The following ABLIM1 variants were observed in gnomAD, a reference collection of about 807,000 sequenced individuals.
ABLIM1 encodes actin binding LIM protein 1.
In ABLIM1, 40 loss-of-function variants were observed where a neutral mutation model predicts 107.0. The ratio of observed to expected loss-of-function variants is 0.37; its 90% CI spans 0.29 to 0.49. The LOEUF (loss-of-function observed/expected upper bound fraction) is 0.49. Ranked by LOEUF, ABLIM1 falls within the 20% of genes least tolerant of loss-of-function variation. ABLIM1 has a pLI of 0.97. For missense variants in ABLIM1, 857 were observed against 1,008.5 expected (o/e 0.85, Z 2.04); for synonymous variants, 357 against 357.3 (o/e 1.00, Z 0.01).
intron 1 of ABLIM1, among the ~76,000 whole-genome samples, chr10:114,735,552 C>T (rs1421359033): frequency 6.6e-6 from 1 of 152,168 alleles, no homozygotes; most frequent in East Asian, 1.9e-4. Flanking sequence ...TCACTGCAAC[C>T]TCTGCCTCCC....
chr10:114,774,054 A>G, the ABLIM1 span, among the ~76,000 whole-genome samples: 3 of 152,040 alleles, frequency 2.0e-5, no homozygotes, highest in East Asian at 5.8e-4. Flanking sequence ...ACCTTTAGTG[A>G]AACTAAGAAA....
At chr10:114,507,046 A>G (rs1051017501) in intron 6 of ABLIM1, among the ~76,000 whole-genome samples, 56 of 152,326 alleles carry the variant, frequency 3.7e-4, no homozygotes, top group African/African-American at 1.3e-3. Context: ...GTTCAGCTCT[A>G]TAGTACACTA....
At chr10:114,751,015 G>A (rs1339862424) in intron 1 of ABLIM1, among the ~76,000 whole-genome samples, 1 of 152,150 alleles carries the variant, frequency 6.6e-6, no homozygotes, top group African/African-American at 2.4e-5. Flanking sequence ...AAAAGGAAGA[G>A]AAAGAAAAAA....
chr10:114,447,901 G>A lies in ABLIM1; in HGVS notation c.1714C>T (p.Pro572Ser), dbSNP rs1224696934. 14 of 1,614,062 alleles carry A rather than the reference G, an allele frequency of 8.7e-6. No homozygotes were observed. Among genetic ancestry groups the A allele is most frequent in the East Asian group, 2.2e-5 (1 of 44,876 alleles). The part of the protein sequence containing the change: ...PKIETDHWPG[P>S]PSFAVVGPDM... ...ATACCTACGACAGCAAATGAGGGGG[G>A]ACCAGGCCAGTGGTCCGTCTCAATC... The change falls in exon 15 of 23, where the codon CCC becomes TCC. Residue 572 changes from proline (P) to serine (S), a missense_variant. By Grantham distance (74) the Pro-to-Ser change is moderately conservative. Around this residue, in one of 5 missense-constraint regions of ABLIM1, gnomAD observed 103 missense variants for 101.0 expected, o/e 1.02. Coordinates refer to ENST00000533213, the MANE Select transcript of ABLIM1 (RefSeq NM_002313.7).
At chr10:114,603,821 C>G (rs2076215078) in intron 1 of ABLIM1, among the ~76,000 whole-genome samples, 1 of 151,748 alleles carries the variant, frequency 6.6e-6, no homozygotes, top group Non-Finnish European at 1.5e-5. Context: ...GGCGTGGTGG[C>G]ACGTGCCTGT....
At chr10:114,748,138 C>G (rs1406851804) in intron 1 of ABLIM1, among the ~76,000 whole-genome samples, 6 of 152,036 alleles carry the variant, frequency 3.9e-5, no homozygotes, top group African/African-American at 1.4e-4. Context: ...CCATAAGAAC[C>G]CCTGTGTTTG....
chr10:114,544,121 A>T (rs1350408221), intron 6 of ABLIM1, among the ~76,000 whole-genome samples: 1 of 152,192 alleles, frequency 6.6e-6, no homozygotes, highest in Admixed American at 6.5e-5. Flanking sequence ...CCTGCTGGGA[A>T]GGTGGAACAT....
chr10:114,548,942 G>A (rs2067695921), intron 4 of ABLIM1, among the ~76,000 whole-genome samples: 1 of 152,230 alleles, frequency 6.6e-6, no homozygotes, highest in African/African-American at 2.4e-5. Context: ...ATCCGTGACT[G>A]CCACTGCTTT....
At chr10:114,741,212 T>TCTC (rs2082280050) in intron 1 of ABLIM1, among the ~76,000 whole-genome samples, 1 of 138,368 alleles carries the variant, frequency 7.2e-6, no homozygotes, top group Non-Finnish European at 1.6e-5. Flanking sequence ...ATAGGACTAT[T>TCTC]CTTCTTTTTT....
intron 1 of ABLIM1, among the ~76,000 whole-genome samples, chr10:114,697,795 A>G (rs1210439570): frequency 6.6e-6 from 1 of 152,226 alleles, no homozygotes; most frequent in African/African-American, 2.4e-5. Context: ...AAACCTTCTC[A>G]TATTAATATA....
intron 4 of ABLIM1, among the ~76,000 whole-genome samples, chr10:114,552,552 C>T (rs1252456150): frequency 6.6e-6 from 1 of 151,364 alleles, no homozygotes; most frequent in Middle Eastern, 3.2e-3. Flanking sequence ...GCCCTTCACT[C>T]TTGGCATCAA....
chr10:114,512,130 G>C lies in ABLIM1; in HGVS notation c.895-20252C>G, dbSNP rs1233979067. Among the ~76,000 whole-genome samples, 3 of 152,178 alleles carry C rather than the reference G, an allele frequency of 2.0e-5. No homozygotes were observed. The East Asian group carries it at 5.8e-4, about 29-fold the overall frequency. ...CAAGATGACTCAGGTGAACTTTCCT[G>C]GGGGGAAGCTGCTTATTCCAAAAGT... On this transcript the variant is annotated intron_variant, in intron 6 of 22. Transcript: ENST00000533213.
chr10:114,650,823 T>C (rs1006819391), intron 1 of ABLIM1, among the ~76,000 whole-genome samples: 4 of 152,230 alleles, frequency 2.6e-5, no homozygotes, highest in Non-Finnish European at 5.9e-5. Context: ...TAGACAATTA[T>C]TCAACTTCTC....
chr10:114,469,601 C>G (rs1051605766), intron 10 of ABLIM1, among the ~76,000 whole-genome samples: 1 of 152,246 alleles, frequency 6.6e-6, no homozygotes, highest in Non-Finnish European at 1.5e-5. Context: ...TACGCTTTCT[C>G]TTTACTCTGC....
At chr10:114,477,110 C>T (rs1465553908) in intron 8 of ABLIM1, among the ~76,000 whole-genome samples, 1 of 152,172 alleles carries the variant, frequency 6.6e-6, no homozygotes, top group Non-Finnish European at 1.5e-5. Context: ...TGAACTCAGA[C>T]ACTCTAGGTC....
the ABLIM1 span, among the ~76,000 whole-genome samples, chr10:114,781,550 ATATG>A: frequency 2.1e-5 from 2 of 96,184 alleles, no homozygotes; most frequent in Non-Finnish European, 5.0e-5. Flanking sequence ...ATATATCTAT[ATATG>A]TGTGTGTGTG....
intron 1 of ABLIM1, among the ~76,000 whole-genome samples, chr10:114,708,937 C>A (rs1337555192): frequency 6.6e-6 from 1 of 152,152 alleles, no homozygotes; most frequent in African/African-American, 2.4e-5. Flanking sequence ...TTGACCTCCC[C>A]TCTTCCAGGT....
chr10:114,695,432 A>G (rs77707801), intron 1 of ABLIM1, among the ~76,000 whole-genome samples: 1 of 152,184 alleles, frequency 6.6e-6, no homozygotes, highest in Non-Finnish European at 1.5e-5. Flanking sequence ...GAGAGGCTAC[A>G]TCATTTTCTC....
chr10:114,788,959 T>C, the ABLIM1 span, among the ~76,000 whole-genome samples: 1 of 152,062 alleles, frequency 6.6e-6, no homozygotes, highest in Non-Finnish European at 1.5e-5. Flanking sequence ...TGGCAACCCT[T>C]AAAAATGAAG....
Sources: gnomAD v4.1 joint callset for allele counts (sites outside exome capture counted in the v4.1 genomes callset) on GRCh38, gnomAD v4.1.1 for gene constraint, gnomAD v4.1.1 regional missense constraint, MANE v1.5 for transcripts, NCBI Gene and HGNC (gene_info 2026-07-23, HGNC 2026-07-21) for gene names.